The following SRP54 variants were observed in gnomAD, a reference collection of about 807,000 sequenced individuals.
SRP54 encodes signal recognition particle subunit SRP54.
In SRP54, 10 loss-of-function variants were observed where a neutral mutation model predicts 64.8. The ratio of observed to expected loss-of-function variants is 0.15; its 90% CI spans 0.10 to 0.26. The LOEUF (loss-of-function observed/expected upper bound fraction) is 0.26. Ranked by LOEUF, SRP54 falls within the 10% of genes least tolerant of loss-of-function variation. SRP54 has a pLI of 1.00. For missense variants in SRP54, 325 were observed against 613.7 expected (o/e 0.53, Z 4.97); for synonymous variants, 193 against 185.6 (o/e 1.04, Z -0.32).
Position 35,014,820 on chromosome 14 carries a change from G to A in SRP54, c.963G>A (p.Lys321=). 2 of 1,613,326 alleles carry A rather than the reference G, an allele frequency of 1.2e-6. No individual in the cohort carries two copies. Among genetic ancestry groups the A allele is most frequent in the Non-Finnish European group, 8.5e-7 (1 of 1,179,522 alleles). ...ATGACAATGAAGCACTTATAGAGAA[G>A]TTGAAACATGGTATATGAGTGACAA... ...KLDDNEALIE[K]LKHGQFTLRD... Residue 321 remains lysine, a synonymous_variant, in exon 11 of 16, where the codon AAG becomes AAA. Coordinates refer to ENST00000216774, the MANE Select transcript of SRP54 (RefSeq NM_003136.4).
chr14:35,008,704 G>C lies in SRP54; in HGVS notation c.427+11G>C. The C allele has an allele frequency of 6.2e-7, 1 of 1,605,872 alleles. No homozygotes were observed. The highest frequency in any genetic ancestry group is 8.5e-7 in the Non-Finnish European group (1 of 1,176,876). ...ACACATTCAGAGCAGGTAATGTCTT[G>C]AAATTTGAAAATTGTTTTATATAAT... is the stretch of plus-strand genomic sequence containing the variant. On this transcript the variant is annotated intron_variant, in intron 6 of 15. Coordinates refer to ENST00000216774, the MANE Select transcript of SRP54 (RefSeq NM_003136.4).
At chr14:34,990,381 C>G (rs894344802) in intron 1 of SRP54, among the ~76,000 whole-genome samples, 1 of 152,208 alleles carries the variant, frequency 6.6e-6, no homozygotes, top group Non-Finnish European at 1.5e-5. Context: ...CATTCATACT[C>G]TAGCCAAAGG....
At chr14:34,989,396 G>A (rs1174980675) in intron 1 of SRP54, among the ~76,000 whole-genome samples, 1 of 151,964 alleles carries the variant, frequency 6.6e-6, no homozygotes, top group African/African-American at 2.4e-5. Context: ...AATCCTAGCT[G>A]CTCGGGAGGT....
chr14:35,003,193 A>T (rs1412665234), intron 4 of SRP54, among the ~76,000 whole-genome samples: 1 of 152,166 alleles, frequency 6.6e-6, no homozygotes, highest in African/African-American at 2.4e-5. Context: ...TGGTTCTTAT[A>T]CTCAGATGCT....
intron 10 of SRP54, 107 bp from the exon 11 acceptor site, chr14:35,014,637 C>G: frequency 2.4e-6 from 2 of 846,002 alleles, no homozygotes; most frequent in Non-Finnish European, 3.8e-6. Context: ...GTAAGAATAC[C>G]TAACCTATTA....
At chr14:35,005,061 G>A (rs930490089) in intron 4 of SRP54, among the ~76,000 whole-genome samples, 1 of 152,212 alleles carries the variant, frequency 6.6e-6, no homozygotes, top group Non-Finnish European at 1.5e-5. Context: ...GTCAGGCACA[G>A]TGGCTTATAC....
In SRP54 at chr14:35,014,841, G is replaced by A; in HGVS notation, c.973+11G>A. 6.3e-7 allele frequency: 1 copy of A among 1,582,172 alleles called. No homozygotes were observed. The highest frequency in any genetic ancestry group is 8.6e-7 in the Non-Finnish European group (1 of 1,163,850). Reference sequence around the variant, plus strand: ...AGAAGTTGAAACATGGTATATGAGTGACAAAAAAGCACTTCATCTCAGATT... The same window carrying A: ...AGAAGTTGAAACATGGTATATGAGTAACAAAAAAGCACTTCATCTCAGATT... On this transcript the variant is annotated intron_variant, in intron 11 of 15. Transcript: ENST00000216774.
In SRP54 at chr14:34,999,014, G is replaced by GGT. The variant is rs2044128179; in HGVS notation, c.79-544_79-543insGT. Among the ~76,000 whole-genome samples the GGT allele has an allele frequency of 4.9e-3, 180 of 36,638 alleles. 1 individual carries two copies. The highest frequency in any genetic ancestry group is 9.2e-3 in the East Asian group (3 of 326). The allele number at this position is 36,638 out of a possible 152,430, so 24.0% of individuals were successfully genotyped here. On this transcript the variant is annotated intron_variant, in intron 2 of 15. Coordinates refer to ENST00000216774, the MANE Select transcript of SRP54 (RefSeq NM_003136.4). Reference sequence around the variant, plus strand: ...GTGTGTGTGTGTGTGTGTGTGTGTGGTTTTTTTTTTTTTTTTTTGAGACAA... The same window carrying GGT: ...GTGTGTGTGTGTGTGTGTGTGTGTGGGTTTTTTTTTTTTTTTTTTTGAGACAA...
At chr14:35,014,603 T>C in intron 10 of SRP54, 141 bp from the exon 11 acceptor site, 1 of 633,336 alleles carries the variant, frequency 1.6e-6, no homozygotes. Context: ...TTCTTAGCTT[T>C]GGTTTTCTCA....
intron 13 of SRP54, among the ~76,000 whole-genome samples, chr14:35,020,205 T>C (rs534202602): frequency 6.6e-6 from 1 of 151,830 alleles, no homozygotes; most frequent in Admixed American, 6.6e-5. Flanking sequence ...AATAAAAAAA[T>C]ATAGTTTATT....
chr14:34,988,039 C>T (rs1239055223), intron 1 of SRP54, among the ~76,000 whole-genome samples: 1 of 151,850 alleles, frequency 6.6e-6, no homozygotes, highest in Non-Finnish European at 1.5e-5. Flanking sequence ...TTAATATATA[C>T]CAGATTATTA....
At chr14:35,000,290 G>A (rs535282906) in intron 3 of SRP54, among the ~76,000 whole-genome samples, 6 of 152,038 alleles carry the variant, frequency 3.9e-5, no homozygotes, top group Non-Finnish European at 8.8e-5. Flanking sequence ...GGAAGTAGCC[G>A]GGCGCAGTAG....
intron 14 of SRP54, among the ~76,000 whole-genome samples, chr14:35,024,703 T>G (rs1012205899): frequency 5.3e-5 from 8 of 151,588 alleles, no homozygotes; most frequent in African/African-American, 1.7e-4. Flanking sequence ...GTTAACCTTC[T>G]CCATGTTGAT....
chr14:35,013,714 T>C (rs1019754666), intron 9 of SRP54, 88 bp from the exon 10 acceptor site: 1 of 1,235,666 alleles, frequency 8.1e-7, no homozygotes, highest in African/African-American at 1.5e-5. Flanking sequence ...CTAATTAGCT[T>C]TGGAGGCGGA....
rs763806352 is a variant in SRP54, at chr14:35,013,360, T to C, written c.651T>C (p.Ile217=). ...AAACTTTCTAGCAACCTGATAACATTGTTTATGTGATGGATGCCTCCATTG... is the reference window on the plus strand; with the variant it reads ...AAACTTTCTAGCAACCTGATAACATCGTTTATGTGATGGATGCCTCCATTG... ...QVANAIQPDN[I]VYVMDASIGQ... is the part of the protein sequence containing the mutation. The change falls in exon 9 of 16, where the codon ATT becomes ATC. Residue 217 remains isoleucine (I), a synonymous_variant. Coordinates refer to ENST00000216774, the MANE Select transcript of SRP54 (RefSeq NM_003136.4). 6.2e-6 allele frequency: 10 copies of C among 1,613,470 alleles called. No homozygotes were observed. The South Asian group carries it at 8.8e-5, about 14-fold the overall frequency.
At position 34,999,669 on chromosome 14, in the gene SRP54, T is replaced by A; in HGVS notation, c.170+20T>A. The A allele has an allele frequency of 6.5e-7, 1 of 1,547,828 alleles. No homozygotes were observed. The highest frequency in any genetic ancestry group is 8.9e-7 in the Non-Finnish European group (1 of 1,120,656). ...TGTTAAGTAAGTTAAATCAATCAGG[T>A]AAAACACAGGCACAGTTTAGTTTAG... On this transcript the variant is annotated intron_variant, in intron 3 of 15. Transcript: ENST00000216774.
At chr14:35,005,292 G>A (rs1472823066) in intron 4 of SRP54, among the ~76,000 whole-genome samples, 1 of 152,128 alleles carries the variant, frequency 6.6e-6, no homozygotes, top group African/African-American at 2.4e-5. Flanking sequence ...ATGATTGATT[G>A]TACCAGTGCA....
intron 14 of SRP54, among the ~76,000 whole-genome samples, chr14:35,023,357 T>G (rs930051129): frequency 6.6e-6 from 1 of 150,716 alleles, no homozygotes; most frequent in Non-Finnish European, 1.5e-5. Flanking sequence ...TTAGATAATA[T>G]AAGGAAAAAA....
intron 13 of SRP54, among the ~76,000 whole-genome samples, chr14:35,019,568 T>C (rs1343325367): frequency 6.6e-6 from 1 of 152,204 alleles, no homozygotes; most frequent in East Asian, 1.9e-4. Flanking sequence ...TTAATATTGC[T>C]AACATACATT....
Sources: allele counts gnomAD v4.1 joint callset (sites outside exome capture counted in the v4.1 genomes callset), GRCh38; gene constraint gnomAD v4.1.1; transcripts MANE v1.5; gene names NCBI Gene and HGNC (gene_info 2026-07-23, HGNC 2026-07-21).